PCDH9: variants seen among roughly 807,000 people sequenced by gnomAD.
PCDH9 encodes the protein protocadherin 9, also known as protocadherin-9.
A neutral mutation model predicts 70.6 loss-of-function variants in PCDH9; 24 were observed. The ratio of observed to expected loss-of-function variants is 0.34; its 90% CI spans 0.25 to 0.48. The LOEUF is 0.48. Among genes scored for constraint, PCDH9 ranks in the 20% least tolerant of loss-of-function variants. The pLI, the probability that PCDH9 is intolerant of heterozygous loss-of-function variation, is 0.99. For missense variants in PCDH9, 1,281 were observed against 1,503.6 expected, an observed-to-expected ratio of 0.85 and a Z score of 2.45; for synonymous variants, 562 against 558.5, an observed-to-expected ratio of 1.01 and a Z score of -0.09.
chr13:67,171,419 T>C (rs2088281758), intron 2 of PCDH9, among the ~76,000 whole-genome samples: 1 of 152,142 alleles, frequency 6.6e-6, no homozygotes, highest in Admixed American at 6.6e-5. Context: ...ACCCTCACTC[T>C]CTGGGAAGAT....
chr13:66,919,454 C>A (rs142079768), intron 2 of PCDH9, among the ~76,000 whole-genome samples: 76 of 151,270 alleles, frequency 5.0e-4, no homozygotes, highest in Non-Finnish European at 9.1e-4. Context: ...TCCTTGATGT[C>A]TTCTGTGCTA....
intron 4 of PCDH9, among the ~76,000 whole-genome samples, chr13:66,561,864 C>T (rs1397850036): frequency 6.6e-6 from 1 of 152,084 alleles, no homozygotes; most frequent in Non-Finnish European, 1.5e-5. Context: ...TGGCAACCCG[C>T]TCGGGTCCTC....
intron 2 of PCDH9, among the ~76,000 whole-genome samples, chr13:66,946,558 C>T (rs1208160866): frequency 6.6e-6 from 1 of 151,850 alleles, no homozygotes; most frequent in East Asian, 1.9e-4. Flanking sequence ...TACTATGGTA[C>T]TAAATATTTG....
At chr13:66,607,284 T>C (rs2077232996) in intron 4 of PCDH9, among the ~76,000 whole-genome samples, 1 of 152,082 alleles carries the variant, frequency 6.6e-6, no homozygotes, top group Admixed American at 6.6e-5. Flanking sequence ...ATGTACTTAA[T>C]TGATAAGTAT....
At position 67,193,792 on chromosome 13, in the gene PCDH9, CT is replaced by C. The variant is rs144341671; in HGVS notation, c.3036+31612del. Among the ~76,000 whole-genome samples the C allele has an allele frequency of 8.4e-3, 1,283 of 152,124 alleles. 19 individuals are homozygous for C. The highest frequency in any genetic ancestry group is 0.03 in the African/African-American group (1,228 of 41,540). On this transcript the variant is annotated intron_variant, in intron 2 of 4. Coordinates refer to ENST00000377865, the MANE Select transcript of PCDH9 (RefSeq NM_203487.3). Reference sequence around the variant, plus strand: ...TCCTTTAATTTTTCTATTTGAAAGTCTCCTGAAATCCCCATGGAAACGACCT... The same window carrying C: ...TCCTTTAATTTTTCTATTTGAAAGTCCCTGAAATCCCCATGGAAACGACCT...
chr13:66,336,020 G>A (rs1325598811), intron 4 of PCDH9, among the ~76,000 whole-genome samples: 1 of 151,954 alleles, frequency 6.6e-6, no homozygotes, highest in East Asian at 1.9e-4. Context: ...TCTGGACTGT[G>A]GCCCCTTCTA....
chr13:66,951,530 C>T (rs879201433), intron 2 of PCDH9, among the ~76,000 whole-genome samples: 6 of 141,512 alleles, frequency 4.2e-5, no homozygotes, highest in Admixed American at 1.4e-4. Context: ...AGAACCTATT[C>T]TCATAGGCTG....
intron 2 of PCDH9, among the ~76,000 whole-genome samples, chr13:67,153,420 T>C (rs1271199564): frequency 3.3e-5 from 5 of 152,276 alleles, no homozygotes; most frequent in Non-Finnish European, 1.5e-5. Context: ...TCCTCCCACC[T>C]TGGCTTCCCA....
Position 66,942,836 on chromosome 13 carries a change from AAATG to A in PCDH9, c.3037-39235_3037-39232del, listed in dbSNP as rs2083027394. On this transcript the variant is annotated intron_variant, in intron 2 of 4. Transcript: ENST00000377865. ...GAATTGTTTTTCTGGTTTATTCCTT[AAATG>A]GCCTGAGCCAAGTGTTTGACTACCC... is the stretch of plus-strand genomic sequence containing the variant. Among the ~76,000 whole-genome samples, 3 of 152,134 alleles carry A rather than the reference AAATG, an allele frequency of 2.0e-5. No individual in the cohort carries two copies. The South Asian group carries it at 6.2e-4, about 31-fold the overall frequency.
intron 2 of PCDH9, among the ~76,000 whole-genome samples, chr13:67,101,018 C>A (rs1441392090): frequency 6.6e-6 from 1 of 152,186 alleles, no homozygotes; most frequent in African/African-American, 2.4e-5. Flanking sequence ...ACCATGACCA[C>A]TAGTCTGGAG....
intron 3 of PCDH9, among the ~76,000 whole-genome samples, chr13:66,787,742 C>G (rs1003285954): frequency 1.3e-5 from 2 of 152,152 alleles, no homozygotes. Flanking sequence ...TTCTGAATCA[C>G]CAAAAGAGAA....
intron 2 of PCDH9, among the ~76,000 whole-genome samples, chr13:66,918,227 G>A (rs941455502): frequency 6.6e-6 from 1 of 151,224 alleles, no homozygotes. Context: ...AGAGAGGGGA[G>A]AGGAAGAGAG....
At chr13:66,408,095 AGGCC>A (rs1957310609) in intron 4 of PCDH9, among the ~76,000 whole-genome samples, 1 of 134,406 alleles carries the variant, frequency 7.4e-6, no homozygotes. Context: ...TCTGTCGCCC[AGGCC>A]GGACTGCGGA....
intron 2 of PCDH9, among the ~76,000 whole-genome samples, chr13:66,983,840 G>GTTTTT (rs1286934913): frequency 2.0e-5 from 3 of 149,592 alleles, no homozygotes; most frequent in Non-Finnish European, 4.4e-5. Context: ...TTTTGTTTTT[G>GTTTTT]TTTTTTGCTC....
chr13:66,449,029 T>C (rs1374234989), intron 4 of PCDH9, among the ~76,000 whole-genome samples: 3 of 152,150 alleles, frequency 2.0e-5, no homozygotes, highest in Non-Finnish European at 2.9e-5. Context: ...AGAAATTGAA[T>C]AGTTTAGACA....
chr13:66,450,082 G>C (rs1457050427), intron 4 of PCDH9, among the ~76,000 whole-genome samples: 1 of 151,950 alleles, frequency 6.6e-6, no homozygotes, highest in Non-Finnish European at 1.5e-5. Flanking sequence ...TTTTTTCAAA[G>C]TATAAAGAAA....
Position 66,460,838 on chromosome 13 carries a change from C to T in PCDH9, c.3341-155810G>A, listed in dbSNP as rs563583024. Among the ~76,000 whole-genome samples the T allele has an allele frequency of 3.9e-5, 6 of 151,936 alleles. No homozygotes were observed. In the East Asian group the frequency reaches 1.2e-3, roughly 29 times the overall value. Reference sequence around the variant, plus strand: ...AAACCCTTCACTGGTGACATCCCACCCTAATCATTTTAGAATCTCAGCAGA... The same window carrying T: ...AAACCCTTCACTGGTGACATCCCACTCTAATCATTTTAGAATCTCAGCAGA... On this transcript the variant is annotated intron_variant, in intron 4 of 4. Coordinates refer to ENST00000377865, the MANE Select transcript of PCDH9 (RefSeq NM_203487.3).
At chr13:66,904,448 A>G (rs2082327204) in intron 2 of PCDH9, among the ~76,000 whole-genome samples, 1 of 152,004 alleles carries the variant, frequency 6.6e-6, no homozygotes, top group South Asian at 2.1e-4. Flanking sequence ...CTGTCTGGCC[A>G]TTTATTAAAC....
chr13:66,704,885 TATTA>T (rs2078691113), intron 3 of PCDH9, among the ~76,000 whole-genome samples: 1 of 152,192 alleles, frequency 6.6e-6, no homozygotes, highest in South Asian at 2.1e-4. Context: ...AATACATTGG[TATTA>T]AAATAGTCAT....
Sources: gnomAD v4.1 joint callset for allele counts (sites outside exome capture counted in the v4.1 genomes callset) on GRCh38, gnomAD v4.1.1 for gene constraint, MANE v1.5 for transcripts, NCBI Gene and HGNC (gene_info 2026-07-23, HGNC 2026-07-21) for gene names.